RFC3: variants seen among roughly 807,000 people sequenced by gnomAD.
RFC3 encodes A1 38 kDa subunit.
In RFC3, 41 loss-of-function variants were observed where a neutral mutation model predicts 45.1. The observed-to-expected ratio is 0.91, with a 90% CI of 0.71 to 1.18. The LOEUF (loss-of-function observed/expected upper bound fraction) is 1.18, where lower values mean the gene tolerates loss of function less well. Among genes scored for constraint, RFC3 ranks in the 50% most tolerant of loss-of-function variants. The pLI is 0.00. For synonymous variants in RFC3, 149 were observed against 144.0 expected (o/e 1.03, Z -0.25); for missense variants, 423 against 428.1 (o/e 0.99, Z 0.10).
intron 8 of RFC3, among the ~76,000 whole-genome samples, chr13:33,854,227 T>C (rs1315748004): frequency 1.3e-5 from 2 of 152,178 alleles, no homozygotes; most frequent in Non-Finnish European, 2.9e-5. Flanking sequence ...TCTTCTCTCT[T>C]ACTATGGTAG....
intron 1 of RFC3, 89 bp downstream of exon 1, chr13:33,818,354 C>T (rs1462592522): frequency 1.1e-5 from 11 of 1,027,434 alleles, no homozygotes; most frequent in Non-Finnish European, 1.6e-5. Flanking sequence ...CTTCTCCCGC[C>T]CGCATTGGAA....
At chr13:33,925,666 ATTAAG>A (rs1566031021) in intron 8 of RFC3, among the ~76,000 whole-genome samples, 2 of 149,900 alleles carry the variant, frequency 1.3e-5, no homozygotes, top group African/African-American at 5.0e-5. Context: ...GATTACCACA[ATTAAG>A]TTAGTGTGTA....
intron 8 of RFC3, among the ~76,000 whole-genome samples, chr13:33,950,784 T>C (rs2082984874): frequency 6.6e-6 from 1 of 152,000 alleles, no homozygotes; most frequent in South Asian, 2.1e-4. Context: ...CTCTCTCTCT[T>C]TGAACCTAAT....
chr13:33,852,397 C>A (rs994148982), intron 8 of RFC3, among the ~76,000 whole-genome samples: 4 of 152,104 alleles, frequency 2.6e-5, no homozygotes, highest in Non-Finnish European at 5.9e-5. Context: ...TAGCACTGCC[C>A]CCACCTAAAA....
Position 33,962,005 on chromosome 13 carries a change from A to G in RFC3, c.880-4082A>G, listed in dbSNP as rs181737320. ...CTTAAAGAAACTGATCTCATCAGCA[A>G]TGGTCCCCAGAGGAGTCATGAACAG... On this transcript the variant is annotated intron_variant, in intron 8 of 8. Coordinates refer to the RFC3 transcript ENST00000434425. Among the ~76,000 whole-genome samples the G allele has an allele frequency of 2.3e-3, 346 of 152,328 alleles. 1 individual carries two copies. The highest frequency in any genetic ancestry group is 0.02 in the Middle Eastern group (6 of 294).
intron 8 of RFC3, among the ~76,000 whole-genome samples, chr13:33,861,085 T>C (rs9285099): frequency 0.88 from 134,241 of 152,022 alleles, 59,642 homozygotes; most frequent in Non-Finnish European, 0.94. Flanking sequence ...TTGAACAGAT[T>C]ACATAACATT....
intron 8 of RFC3, among the ~76,000 whole-genome samples, chr13:33,888,899 C>G (rs981403769): frequency 6.6e-6 from 1 of 152,082 alleles, no homozygotes; most frequent in Non-Finnish European, 1.5e-5. Flanking sequence ...GCGCCCGCCA[C>G]CATGCCTGGC....
At chr13:33,867,823 C>T (rs1203541224) in intron 8 of RFC3, among the ~76,000 whole-genome samples, 2 of 152,208 alleles carry the variant, frequency 1.3e-5, no homozygotes, top group African/African-American at 4.8e-5. Flanking sequence ...CCCCAGGACT[C>T]ATATTTCCTT....
At chr13:33,963,233 C>A (rs2083068326) in intron 8 of RFC3, among the ~76,000 whole-genome samples, 1 of 151,900 alleles carries the variant, frequency 6.6e-6, no homozygotes, top group Non-Finnish European at 1.5e-5. Context: ...ATTTTGTTTT[C>A]GTTTTTATTT....
chr13:33,975,130 A>G, the RFC3 span, among the ~76,000 whole-genome samples: 1 of 152,232 alleles, frequency 6.6e-6, no homozygotes, highest in Non-Finnish European at 1.5e-5. Context: ...CTCAAACTGA[A>G]AGTAACCAAG....
At chr13:33,891,427 A>G (rs1480528021) in intron 8 of RFC3, among the ~76,000 whole-genome samples, 1 of 152,214 alleles carries the variant, frequency 6.6e-6, no homozygotes, top group Admixed American at 6.5e-5. Context: ...GCAGACAAGT[A>G]ACCTTCACAT....
At chr13:33,826,468 A>G (rs145715406) in intron 4 of RFC3, among the ~76,000 whole-genome samples, 7 of 152,254 alleles carry the variant, frequency 4.6e-5, no homozygotes, top group Admixed American at 2.0e-4. Flanking sequence ...AGTGGAGAAG[A>G]TAGTGTTTTG....
At chr13:33,893,249 C>T (rs1313542906) in intron 8 of RFC3, among the ~76,000 whole-genome samples, 1 of 152,126 alleles carries the variant, frequency 6.6e-6, no homozygotes, top group Non-Finnish European at 1.5e-5. Flanking sequence ...GCCAGGATAT[C>T]CCCTTTGGAA....
intron 8 of RFC3, among the ~76,000 whole-genome samples, chr13:33,888,325 A>G (rs1593667947): frequency 1.3e-5 from 2 of 152,014 alleles, no homozygotes; most frequent in South Asian, 4.2e-4. Flanking sequence ...ACTCTTACTC[A>G]CCCTTCAAGA....
chr13:33,956,521 TA>T (rs2083022908), intron 8 of RFC3, among the ~76,000 whole-genome samples: 1 of 152,236 alleles, frequency 6.6e-6, no homozygotes. Flanking sequence ...GGAGATGTTC[TA>T]ACCTACAAAT....
intron 8 of RFC3, among the ~76,000 whole-genome samples, chr13:33,862,179 G>C (rs1442131392): frequency 1.3e-5 from 2 of 151,774 alleles, no homozygotes; most frequent in African/African-American, 4.8e-5. Flanking sequence ...TAGCCCTGTC[G>C]GCATTTTCTC....
At chr13:33,861,448 C>G (rs1315312513) in intron 8 of RFC3, among the ~76,000 whole-genome samples, 1 of 151,734 alleles carries the variant, frequency 6.6e-6, no homozygotes, top group Non-Finnish European at 1.5e-5. Flanking sequence ...GCCAACATGC[C>G]GAAACTCTGT....
downstream of RFC3, among the ~76,000 whole-genome samples, chr13:33,840,633 C>G (rs1252739506): frequency 6.6e-6 from 1 of 150,690 alleles, no homozygotes; most frequent in African/African-American, 2.4e-5. Context: ...TCTTGGCAGA[C>G]AATTACAGTT....
intron 8 of RFC3, among the ~76,000 whole-genome samples, chr13:33,876,715 T>C (rs2082449460): frequency 6.6e-6 from 1 of 152,186 alleles, no homozygotes; most frequent in South Asian, 2.1e-4. Flanking sequence ...TGAACGAGCA[T>C]GGGATTATAA....
Sources: allele counts gnomAD v4.1 joint callset (sites outside exome capture counted in the v4.1 genomes callset), GRCh38; gene constraint gnomAD v4.1.1; transcripts MANE v1.5; gene names NCBI Gene and HGNC (gene_info 2026-07-23, HGNC 2026-07-21).